Variants in ITPR1 observed in about 807,000 individuals in gnomAD.
ITPR1 encodes inositol 1,4,5-trisphosphate-gated calcium channel ITPR1.
ITPR1 carries 96 observed loss-of-function variants against 318.4 expected under a neutral mutation model. The ratio of observed to expected loss-of-function variants is 0.30; its 90% CI spans 0.26 to 0.36. ITPR1 has a LOEUF of 0.36. ITPR1 is among the 10% of genes least tolerant of loss of function. The pLI, the probability that ITPR1 is intolerant of heterozygous loss-of-function variation, is 1.00. For synonymous variants in ITPR1, 1,312 were observed against 1,289.9 expected, an observed-to-expected ratio of 1.02 and a Z score of -0.37; for missense variants, 2,440 against 3,460.2, an observed-to-expected ratio of 0.71 and a Z score of 7.40.
intron 2 of ITPR1, among the ~76,000 whole-genome samples, chr3:4,505,481 C>G (rs1371188272): frequency 6.6e-6 from 1 of 152,216 alleles, no homozygotes; most frequent in African/African-American, 2.4e-5. Context: ...GCATGAGTCA[C>G]TGTGCCTGGC....
chr3:4,725,095 A>G (rs924779371), intron 40 of ITPR1, among the ~76,000 whole-genome samples: 3 of 152,026 alleles, frequency 2.0e-5, no homozygotes, highest in Admixed American at 2.0e-4. Context: ...CACAGGAGAC[A>G]TGTGGCACGT....
chr3:4,493,918 TGG>T (rs1216105991), intron 1 of ITPR1, among the ~76,000 whole-genome samples: 1 of 135,346 alleles, frequency 7.4e-6, no homozygotes, highest in Admixed American at 8.0e-5. Context: ...AGAGAGGTTG[TGG>T]GGGTGTCATA....
intron 60 of ITPR1, among the ~76,000 whole-genome samples, chr3:4,834,074 A>G (rs556680777): frequency 8.7e-4 from 133 of 152,102 alleles, no homozygotes; most frequent in African/African-American, 3.2e-3. Flanking sequence ...TTTATTTTTT[A>G]TAGAGATGGA....
At chr3:4,601,668 C>T (rs2091295266) in intron 4 of ITPR1, among the ~76,000 whole-genome samples, 2 of 152,116 alleles carry the variant, frequency 1.3e-5, no homozygotes, top group South Asian at 2.1e-4. Flanking sequence ...TAATATGACA[C>T]CAACAGCATA....
intron 44 of ITPR1, among the ~76,000 whole-genome samples, chr3:4,754,953 A>T (rs1366938975): frequency 2.0e-5 from 3 of 152,200 alleles, no homozygotes; most frequent in Non-Finnish European, 4.4e-5. Flanking sequence ...GTATCCCCAC[A>T]AAAGATACTG....
At chr3:4,800,784 G>C (rs1281549617) in intron 54 of ITPR1, among the ~76,000 whole-genome samples, 184 bp downstream of exon 54, 1 of 152,192 alleles carries the variant, frequency 6.6e-6, no homozygotes, top group Non-Finnish European at 1.5e-5. Context: ...CCTCCGCGTG[G>C]TGCAGTGAGC....
Position 4,702,935 on chromosome 3 carries a change from G to T in ITPR1, c.4642G>T (p.Val1548Leu). The change falls in exon 36 of 62, where the codon GTG (valine) becomes TTG (leucine). Residue 1548 changes from valine to leucine, a missense_variant. Transcript: ENST00000649015. ...AGCCTCCGTGGAGAGCTGTATTCGG[G>T]TGCTGTCTGATGTAGGTAAGATACC... Reference protein sequence around the residue: ...QKASVESCIRVLSDVAKSRAI... With the variant: ...QKASVESCIRLLSDVAKSRAI... The T allele has an allele frequency of 6.2e-7, 1 of 1,613,888 alleles. No individual in the cohort carries two copies. The highest frequency in any genetic ancestry group is 8.5e-7 in the Non-Finnish European group (1 of 1,179,794).
chr3:4,794,739 G>C (rs1448562609), intron 52 of ITPR1, among the ~76,000 whole-genome samples: 1 of 152,130 alleles, frequency 6.6e-6, no homozygotes, highest in Non-Finnish European at 1.5e-5. Context: ...CTCAATGTGT[G>C]AACTCTGGAT....
At chr3:4,824,756 G>A (rs1559961941) in intron 60 of ITPR1, among the ~76,000 whole-genome samples, 1 of 152,152 alleles carries the variant, frequency 6.6e-6, no homozygotes, top group Non-Finnish European at 1.5e-5. Context: ...GTTAGATGGG[G>A]TGTGACTTTC....
intron 17 of ITPR1, 29 bp from the exon 18 acceptor site, chr3:4,667,348 A>G (rs1240141737): frequency 1.9e-6 from 3 of 1,550,294 alleles, no homozygotes; most frequent in East Asian, 2.3e-5. Flanking sequence ...TATCCTTCCT[A>G]CTGACGTCTC....
intron 32 of ITPR1, among the ~76,000 whole-genome samples, chr3:4,693,203 C>T (rs983897411): frequency 6.6e-6 from 1 of 152,204 alleles, no homozygotes. Context: ...CCAGTGCAAG[C>T]TTGCAATCTC....
intron 23 of ITPR1, 106 bp downstream of exon 23, chr3:4,675,354 C>A: frequency 1.3e-6 from 1 of 778,090 alleles, no homozygotes; most frequent in Non-Finnish European, 2.0e-6. Flanking sequence ...TTTGTTCATT[C>A]CTTCCCAACT....
intron 32 of ITPR1, among the ~76,000 whole-genome samples, chr3:4,692,812 C>T (rs1226966700): frequency 6.6e-6 from 1 of 152,060 alleles, no homozygotes; most frequent in East Asian, 1.9e-4. Flanking sequence ...AAAGGGGATA[C>T]ATTGTAAAGC....
chr3:4,616,242 G>A (rs888994719), intron 4 of ITPR1, among the ~76,000 whole-genome samples: 5 of 152,134 alleles, frequency 3.3e-5, no homozygotes, highest in Non-Finnish European at 7.4e-5. Context: ...TTGATCCTGT[G>A]TTTACTGAAT....
intron 4 of ITPR1, among the ~76,000 whole-genome samples, chr3:4,548,356 G>A (rs147882906): frequency 1.3e-5 from 2 of 152,216 alleles, no homozygotes; most frequent in African/African-American, 2.4e-5. Flanking sequence ...TCAAGAACTC[G>A]TAAAGTGAAA....
chr3:4,516,378 C>A, intron 2 of ITPR1, 98 bp from the exon 3 acceptor site: 2 of 615,202 alleles, frequency 3.3e-6, no homozygotes, highest in Non-Finnish European at 5.6e-6. Flanking sequence ...TTAAGTAAGG[C>A]GCTTTGGAAA....
chr3:4,619,577 T>TC (rs1248610665), intron 4 of ITPR1, among the ~76,000 whole-genome samples: 1 of 64,936 alleles, frequency 1.5e-5, no homozygotes, highest in Non-Finnish European at 2.9e-5. Context: ...CCTTTCCCCT[T>TC]CCCCCTTCCC....
chr3:4,665,391 T>C, intron 17 of ITPR1, 95 bp downstream of exon 17: 1 of 1,160,382 alleles, frequency 8.6e-7, no homozygotes. Flanking sequence ...TGTCTATTTA[T>C]AGAATGGATG....
At chr3:4,590,925 T>C (rs1192899541) in intron 4 of ITPR1, among the ~76,000 whole-genome samples, 1 of 152,188 alleles carries the variant, frequency 6.6e-6, no homozygotes, top group African/African-American at 2.4e-5. Flanking sequence ...TGTTTCCTTG[T>C]GTTCATAAGT....
Sources: gnomAD v4.1 joint callset for allele counts (sites outside exome capture counted in the v4.1 genomes callset) on GRCh38, gnomAD v4.1.1 for gene constraint, MANE v1.5 for transcripts, NCBI Gene and HGNC (gene_info 2026-07-23, HGNC 2026-07-21) for gene names.